Variants in CACNA2D1 observed in about 807,000 individuals in gnomAD.
The protein encoded by CACNA2D1 is voltage-dependent calcium channel subunit alpha-2/delta-1.
A neutral mutation model predicts 171.5 loss-of-function variants in CACNA2D1; 53 were observed. The ratio of observed to expected loss-of-function variants is 0.31; its 90% CI spans 0.25 to 0.39. CACNA2D1 has a LOEUF of 0.39. CACNA2D1 is among the 10% of genes least tolerant of loss of function. The probability of loss-of-function intolerance (pLI) is 1.00; values close to 1 mark genes in which losing one functional copy is unlikely to be tolerated. For synonymous variants in CACNA2D1, 442 were observed against 443.1 expected (o/e 1.00, Z 0.03); for missense variants, 903 against 1,299.8 (o/e 0.69, Z 4.69).
chr7:82,145,257 TTATATAAAA>T (rs1327278471), intron 4 of CACNA2D1, among the ~76,000 whole-genome samples: 2 of 144,272 alleles, frequency 1.4e-5, no homozygotes, highest in African/African-American at 2.5e-5. Flanking sequence ...AATATATAAA[TTATATAAAA>T]TATATAAAAT....
chr7:82,238,941 T>C (rs964765509), intron 3 of CACNA2D1, among the ~76,000 whole-genome samples: 1 of 152,080 alleles, frequency 6.6e-6, no homozygotes, highest in African/African-American at 2.4e-5. Context: ...TGACCCAAGA[T>C]AGATATGCAA....
chr7:82,276,858 C>T (rs982449270), intron 3 of CACNA2D1, among the ~76,000 whole-genome samples: 11 of 151,426 alleles, frequency 7.3e-5, no homozygotes, highest in African/African-American at 2.7e-4. Context: ...AAGCGATTCT[C>T]CTGCCTCAGC....
chr7:82,231,922 C>A (rs1237741982), intron 3 of CACNA2D1, among the ~76,000 whole-genome samples: 1 of 152,074 alleles, frequency 6.6e-6, no homozygotes, highest in Non-Finnish European at 1.5e-5. Context: ...GGAACACTGA[C>A]CATATTATAA....
At chr7:82,171,448 G>A (rs978184644) in intron 3 of CACNA2D1, among the ~76,000 whole-genome samples, 1 of 152,060 alleles carries the variant, frequency 6.6e-6, no homozygotes, top group Non-Finnish European at 1.5e-5. Flanking sequence ...TTGGGGACCC[G>A]ACTGCCTAGA....
At chr7:82,117,009 G>C (rs1383443493) in intron 6 of CACNA2D1, 35 bp downstream of exon 6, 2 of 1,609,548 alleles carry the variant, frequency 1.2e-6, no homozygotes, top group Non-Finnish European at 1.7e-6. Flanking sequence ...GCGAGAGCAT[G>C]GTATTCCAAC....
At chr7:82,286,296 T>C (rs1459269120) in intron 3 of CACNA2D1, among the ~76,000 whole-genome samples, 1 of 152,142 alleles carries the variant, frequency 6.6e-6, no homozygotes. Context: ...ACTGTCCCTG[T>C]TGGTGCTTGT....
intron 32 of CACNA2D1, among the ~76,000 whole-genome samples, chr7:81,964,806 C>T (rs1030820596): frequency 6.6e-6 from 1 of 151,816 alleles, no homozygotes; most frequent in African/African-American, 2.4e-5. Flanking sequence ...AGTCTTCTTA[C>T]CATACCGCAA....
chr7:82,249,047 C>T (rs941430030), intron 3 of CACNA2D1, among the ~76,000 whole-genome samples: 2 of 150,768 alleles, frequency 1.3e-5, no homozygotes, highest in Non-Finnish European at 2.9e-5. Context: ...ACCTGGAAAG[C>T]GGAGTTTGCA....
intron 1 of CACNA2D1, among the ~76,000 whole-genome samples, chr7:82,405,740 C>A: frequency 6.6e-6 from 1 of 152,236 alleles, no homozygotes; most frequent in African/African-American, 2.4e-5. Context: ...TCCAACCCAT[C>A]ATCAAAGTGT....
intron 3 of CACNA2D1, among the ~76,000 whole-genome samples, chr7:82,176,001 A>G (rs1312669171): frequency 6.6e-6 from 1 of 152,050 alleles, no homozygotes; most frequent in Non-Finnish European, 1.5e-5. Context: ...TCTGGTCTAT[A>G]AAACCATAGG....
intron 7 of CACNA2D1, among the ~76,000 whole-genome samples, chr7:82,073,555 A>T (rs1808574570): frequency 6.6e-6 from 1 of 152,176 alleles, no homozygotes; most frequent in South Asian, 2.1e-4. Context: ...AAAATAAAGA[A>T]AGATTGCTTT....
At chr7:82,142,289 T>G (rs1182592785) in intron 4 of CACNA2D1, among the ~76,000 whole-genome samples, 1 of 152,236 alleles carries the variant, frequency 6.6e-6, no homozygotes, top group African/African-American at 2.4e-5. Context: ...TACTGCTGCT[T>G]ACTGAAATTT....
chr7:82,152,358 A>G (rs746441714), intron 4 of CACNA2D1, among the ~76,000 whole-genome samples: 4 of 150,622 alleles, frequency 2.7e-5, no homozygotes, highest in Non-Finnish European at 4.4e-5. Flanking sequence ...AATACTTGAG[A>G]AAAGGTAAAA....
intron 1 of CACNA2D1, among the ~76,000 whole-genome samples, chr7:82,355,587 T>C (rs1036136300): frequency 1.3e-5 from 2 of 152,078 alleles, no homozygotes; most frequent in African/African-American, 4.8e-5. Context: ...AACAGGACTA[T>C]GTCTTATCCT....
chr7:81,998,645 A>T (rs915451247), intron 18 of CACNA2D1, among the ~76,000 whole-genome samples: 3 of 152,050 alleles, frequency 2.0e-5, no homozygotes, highest in African/African-American at 7.2e-5. Context: ...TGGCACTTTA[A>T]TTGAAAAAAA....
chr7:81,959,940 CA>C lies in CACNA2D1; in HGVS notation c.2967-112del, dbSNP rs1390556032. 7 of 1,472,714 alleles carry C rather than the reference CA, an allele frequency of 4.8e-6. No homozygotes were observed. The Admixed American group carries it at 1.4e-4, about 30-fold the overall frequency. The allele number at this position is 1,472,714 out of a possible 1,614,324, so 91.2% of individuals were successfully genotyped here. ...GAAAGACAAAATATGACATCTGAAA[CA>C]GAAACCATTCCCAGCACAATAGGAG... On this transcript the variant is annotated intron_variant, in intron 36 of 38. Coordinates refer to ENST00000356860, the MANE Select transcript of CACNA2D1 (RefSeq NM_000722.4).
At chr7:82,370,214 G>A (rs960692492) in intron 1 of CACNA2D1, among the ~76,000 whole-genome samples, 1 of 151,812 alleles carries the variant, frequency 6.6e-6, no homozygotes, top group Non-Finnish European at 1.5e-5. Flanking sequence ...ATAAATACAA[G>A]GTAAAAGCTT....
At chr7:81,964,840 T>C (rs1188770688) in intron 32 of CACNA2D1, among the ~76,000 whole-genome samples, 1 of 151,970 alleles carries the variant, frequency 6.6e-6, no homozygotes, top group East Asian at 1.9e-4. Context: ...CCTGAGATGA[T>C]GGATATGTTA....
chr7:82,293,559 C>T (rs1462116689), intron 3 of CACNA2D1, among the ~76,000 whole-genome samples: 1 of 152,070 alleles, frequency 6.6e-6, no homozygotes, highest in Non-Finnish European at 1.5e-5. Flanking sequence ...TTACAAACTC[C>T]TTTCTAATTC....
Sources: gnomAD v4.1 joint callset for allele counts (sites outside exome capture counted in the v4.1 genomes callset) on GRCh38, gnomAD v4.1.1 for gene constraint, MANE v1.5 for transcripts, NCBI Gene and HGNC (gene_info 2026-07-23, HGNC 2026-07-21) for gene names.